DKK2: variants seen among roughly 807,000 people sequenced by gnomAD.
The protein encoded by DKK2 is dickkopf Wnt signaling pathway inhibitor 2.
DKK2 carries 11 observed loss-of-function variants against 28.1 expected under a neutral mutation model. That is an observed-to-expected ratio of 0.39 (90% confidence interval 0.25 to 0.65). The LOEUF is 0.65. Among genes scored for constraint, DKK2 ranks in the 30% least tolerant of loss-of-function variants. The pLI is 0.47. For missense variants in DKK2, 326 were observed against 335.5 expected, an observed-to-expected ratio of 0.97 and a Z score of 0.22; for synonymous variants, 135 against 126.5, an observed-to-expected ratio of 1.07 and a Z score of -0.45.
At chr4:107,002,557 CA>C (rs1293923644) in intron 1 of DKK2, among the ~76,000 whole-genome samples, 1 of 151,806 alleles carries the variant, frequency 6.6e-6, no homozygotes, top group African/African-American at 2.4e-5. Flanking sequence ...TTTGCTGTCT[CA>C]ATGACTTTTA....
intron 1 of DKK2, among the ~76,000 whole-genome samples, chr4:107,009,199 C>T (rs1348453723): frequency 6.6e-6 from 1 of 151,120 alleles, no homozygotes; most frequent in African/African-American, 2.4e-5. Flanking sequence ...TCTTCAACCA[C>T]AGAAAAAAAA....
chr4:107,017,426 A>C (rs1723626299), intron 1 of DKK2, among the ~76,000 whole-genome samples: 1 of 151,984 alleles, frequency 6.6e-6, no homozygotes, highest in African/African-American at 2.4e-5. Flanking sequence ...TTACTAATTG[A>C]GACAATTTTA....
intron 1 of DKK2, among the ~76,000 whole-genome samples, chr4:106,936,552 A>T (rs527534509): frequency 6.6e-6 from 1 of 152,338 alleles, no homozygotes; most frequent in African/African-American, 2.4e-5. Context: ...GCAGGATATT[A>T]TCCAGGAGAA....
chr4:106,936,352 A>G (rs1352961165), intron 1 of DKK2, among the ~76,000 whole-genome samples: 2 of 152,242 alleles, frequency 1.3e-5, no homozygotes, highest in Non-Finnish European at 2.9e-5. Context: ...GATCAACTGG[A>G]AGAAAAGGTA....
intron 1 of DKK2, among the ~76,000 whole-genome samples, chr4:107,001,899 A>G (rs1723364898): frequency 2.0e-5 from 3 of 152,240 alleles, no homozygotes; most frequent in Admixed American, 2.0e-4. Flanking sequence ...TGAATAAATT[A>G]GTGTCCTTTG....
At chr4:107,029,124 CT>C (rs1440202527) in intron 1 of DKK2, among the ~76,000 whole-genome samples, 1 of 152,114 alleles carries the variant, frequency 6.6e-6, no homozygotes, top group Non-Finnish European at 1.5e-5. Flanking sequence ...AGAATAGCAG[CT>C]GGGAGCAACA....
At chr4:106,944,539 AAAT>A (rs1724750020) in intron 1 of DKK2, among the ~76,000 whole-genome samples, 1 of 152,142 alleles carries the variant, frequency 6.6e-6, no homozygotes, top group Non-Finnish European at 1.5e-5. Context: ...TAATTTAAAG[AAAT>A]TTACATACTT....
chr4:106,922,174 C>T lies in DKK2; in HGVS notation c.*1780G>A, dbSNP rs1351300064. On this transcript the variant is annotated 3_prime_UTR_variant, in exon 4 of 4. Coordinates refer to ENST00000285311, the MANE Select transcript of DKK2 (RefSeq NM_014421.3). ...GCAGACCTGTGCAGAAAATGTAAGT[C>T]TTAATCATCTTAGTAAATATATGTG... 6.6e-6 allele frequency: 1 copy of T among 152,346 alleles called. No individual in the cohort carries two copies. The highest frequency in any genetic ancestry group is 2.4e-5 in the African/African-American group (1 of 41,418). 9.4% of individuals were successfully genotyped at this position (152,346 alleles called of 1,614,324 possible).
At chr4:106,934,924 A>G (rs538855539) in intron 1 of DKK2, among the ~76,000 whole-genome samples, 2 of 152,346 alleles carry the variant, frequency 1.3e-5, no homozygotes, top group South Asian at 4.1e-4. Flanking sequence ...TGTAGAACCT[A>G]TACACAAGAA....
At chr4:106,942,084 T>G (rs911804696) in intron 1 of DKK2, among the ~76,000 whole-genome samples, 2 of 152,140 alleles carry the variant, frequency 1.3e-5, no homozygotes, top group Non-Finnish European at 1.5e-5. Context: ...TCTGTTTGAA[T>G]GCTTTGCTAG....
chr4:106,987,421 T>A (rs989042399), intron 1 of DKK2, among the ~76,000 whole-genome samples: 14 of 152,238 alleles, frequency 9.2e-5, no homozygotes, highest in Admixed American at 7.8e-4. Flanking sequence ...CTTGCTTGTC[T>A]AACACCCACG....
intron 1 of DKK2, among the ~76,000 whole-genome samples, chr4:106,938,411 T>A (rs1724634680): frequency 6.6e-6 from 1 of 152,252 alleles, no homozygotes; most frequent in East Asian, 1.9e-4. Flanking sequence ...CTCCCAAGAC[T>A]AAACCAGGAA....
chr4:107,023,691 G>A lies in DKK2; in HGVS notation c.222+11679C>T, dbSNP rs1001506219. 2.0e-5 allele frequency among the ~76,000 whole-genome samples: 3 copies of A among 152,002 alleles called. No homozygotes were observed. The South Asian group carries it at 6.2e-4, about 32-fold the overall frequency. ...GTTGTAACAAATTTACCACACTAAT[G>A]CAAACTACAAATCATAGTGGAAGCT... On this transcript the variant is annotated intron_variant, in intron 1 of 3. Coordinates refer to ENST00000285311, the MANE Select transcript of DKK2 (RefSeq NM_014421.3).
chr4:106,924,180 C>A lies in DKK2; in HGVS notation c.554G>T (p.Arg185Leu). Residue 185 changes from arginine to leucine, a missense_variant, in exon 4 of 4, where the codon CGA becomes CTA. By Grantham distance (102) the Arg-to-Leu change is moderately radical. Transcript: ENST00000285311. ...AAACCCTTCAATGCAGTCTGATGAT[C>A]GTAGGCAGGGGTCTCCTTCATGCCC... ...IKGHEGDPCL[R>L]SSDCIEGFCC... 6.2e-7 allele frequency: 1 copy of A among 1,613,840 alleles called. No individual in the cohort carries two copies. The highest frequency in any genetic ancestry group is 8.5e-7 in the Non-Finnish European group (1 of 1,179,894).
chr4:107,024,952 A>G (rs1302863732), intron 1 of DKK2, among the ~76,000 whole-genome samples: 1 of 152,204 alleles, frequency 6.6e-6, no homozygotes, highest in Non-Finnish European at 1.5e-5. Context: ...CAGATTGAAC[A>G]TGGGTAACAG....
intron 3 of DKK2, 132 bp from the exon 4 acceptor site, chr4:106,924,336 CT>C (rs1235268113): frequency 8.1e-6 from 11 of 1,353,272 alleles, no homozygotes; most frequent in Non-Finnish European, 9.9e-6. Context: ...AATGAAAAGT[CT>C]TGGTTGATAC....
intron 1 of DKK2, among the ~76,000 whole-genome samples, chr4:106,952,381 T>TA (rs1202907560): frequency 3.9e-5 from 6 of 152,178 alleles, no homozygotes; most frequent in Non-Finnish European, 7.4e-5. Flanking sequence ...CTATTTTTAT[T>TA]TCAGCTATAC....
intron 1 of DKK2, among the ~76,000 whole-genome samples, chr4:106,984,368 C>G (rs990793094): frequency 6.6e-6 from 1 of 152,086 alleles, no homozygotes; most frequent in Non-Finnish European, 1.5e-5. Flanking sequence ...CTCCCTCAGC[C>G]CCTGGTGACT....
At chr4:106,980,586 TTGG>T (rs1723013034) in intron 1 of DKK2, among the ~76,000 whole-genome samples, 1 of 152,170 alleles carries the variant, frequency 6.6e-6, no homozygotes, top group Non-Finnish European at 1.5e-5. Flanking sequence ...TTTGTTTGTT[TTGG>T]ATGTAAGTAA....
Sources: allele counts gnomAD v4.1 joint callset (sites outside exome capture counted in the v4.1 genomes callset), GRCh38; gene constraint gnomAD v4.1.1; transcripts MANE v1.5; gene names NCBI Gene and HGNC (gene_info 2026-07-23, HGNC 2026-07-21).